LAMTOR4: variants seen among roughly 807,000 people sequenced by gnomAD.
LAMTOR4 encodes ragulator complex protein LAMTOR4.
Under a neutral mutation model 13.5 loss-of-function variants are expected in LAMTOR4, and 11 were observed. The observed-to-expected ratio is 0.82, with a 90% CI of 0.51 to 1.35. The LOEUF (loss-of-function observed/expected upper bound fraction) is 1.35. Among genes scored for constraint, LAMTOR4 ranks in the 40% most tolerant of loss-of-function variants. The probability of loss-of-function intolerance (pLI) is 0.00; values close to 1 mark genes in which losing one functional copy is unlikely to be tolerated. For missense variants in LAMTOR4, 128 were observed against 126.2 expected (o/e 1.01, Z -0.07); for synonymous variants, 69 against 52.3 (o/e 1.32, Z -1.38).
At chr7:100,150,986 C>G (rs1798680507) in intron 2 of LAMTOR4, among the ~76,000 whole-genome samples, 1 of 145,728 alleles carries the variant, frequency 6.9e-6, no homozygotes, top group Non-Finnish European at 1.5e-5. Flanking sequence ...AAGACTCCGT[C>G]TCAAAAAAAA....
rs1562947867 is a variant in LAMTOR4, at chr7:100,148,922, A to C, written c.-51A>C. On this transcript the variant is annotated 5_prime_UTR_variant, in exon 1 of 4. Coordinates refer to ENST00000341942, the MANE Select transcript of LAMTOR4 (RefSeq NM_001008395.4). ...CTGCAAGCACGTGACCGGGGCCTGAAGCCGGAAGCTACCTATCTGGTAGGG... is the reference window on the plus strand; with the variant it reads ...CTGCAAGCACGTGACCGGGGCCTGACGCCGGAAGCTACCTATCTGGTAGGG... The C allele has an allele frequency of 1.2e-6, 2 of 1,611,216 alleles. No individual in the cohort carries two copies. The highest frequency in any genetic ancestry group is 1.7e-6 in the Non-Finnish European group (2 of 1,179,648).
intron 2 of LAMTOR4, among the ~76,000 whole-genome samples, chr7:100,150,294 A>G (rs920665162): frequency 6.6e-6 from 1 of 152,254 alleles, no homozygotes; most frequent in African/African-American, 2.4e-5. Context: ...GTTGAAAACA[A>G]TACAGGTGGT....
chr7:100,149,358 A>T, intron 1 of LAMTOR4, 141 bp from the exon 2 acceptor site: 2 of 617,546 alleles, frequency 3.2e-6, no homozygotes, highest in Non-Finnish European at 5.9e-6. Context: ...TGTAGGGGGG[A>T]GGGGGCCGGG....
At position 100,148,964 on chromosome 7, in the gene LAMTOR4, A is replaced by G. The variant is rs537497686; in HGVS notation, c.-9A>G. On this transcript the variant is annotated 5_prime_UTR_variant, in exon 1 of 4. Coordinates refer to ENST00000341942, the MANE Select transcript of LAMTOR4 (RefSeq NM_001008395.4). Reference sequence around the variant, plus strand: ...CTGGTAGGGAGCTCCCCCAGCACCGAAGACTGCGATGGTGAGTGAGGACGC... The same window carrying G: ...CTGGTAGGGAGCTCCCCCAGCACCGGAGACTGCGATGGTGAGTGAGGACGC... 1.9e-6 allele frequency: 3 copies of G among 1,612,224 alleles called. No homozygotes were observed. The highest frequency in any genetic ancestry group is 2.2e-5 in the East Asian group (1 of 44,874).
intron 1 of LAMTOR4, 194 bp from the exon 2 acceptor site, chr7:100,149,305 G>A (rs1798626497): frequency 3.2e-6 from 2 of 632,676 alleles, no homozygotes; most frequent in African/African-American, 3.6e-5. Context: ...GGGGGCGAGA[G>A]TGGGGGCAGA....
intron 2 of LAMTOR4, among the ~76,000 whole-genome samples, chr7:100,152,960 C>G (rs1280115623): frequency 6.6e-6 from 1 of 151,912 alleles, no homozygotes; most frequent in African/African-American, 2.4e-5. Context: ...TTGAGACCAG[C>G]TGATTAATAT....
At chr7:100,150,171 G>A (rs1798657705) in intron 2 of LAMTOR4, among the ~76,000 whole-genome samples, 1 of 152,132 alleles carries the variant, frequency 6.6e-6, no homozygotes, top group South Asian at 2.1e-4. Flanking sequence ...CACCACGTCT[G>A]GCCTTTATTT....
chr7:100,152,841 T>C (rs1408692153), intron 2 of LAMTOR4: 1 of 152,970 alleles, frequency 6.5e-6, no homozygotes, highest in South Asian at 2.0e-4. Context: ...TTTTATGGGG[T>C]TAGAAAAGCA....
intron 2 of LAMTOR4, 96 bp from the exon 3 acceptor site, chr7:100,153,304 G>A: frequency 1.2e-6 from 1 of 833,746 alleles, no homozygotes; most frequent in Non-Finnish European, 2.0e-6. Context: ...AAGGGGGAGA[G>A]GGTCTAAGTG....
At chr7:100,149,448 G>GC (rs774673490) in intron 1 of LAMTOR4, 51 bp from the exon 2 acceptor site, 2 of 1,255,772 alleles carry the variant, frequency 1.6e-6, no homozygotes, top group Non-Finnish European at 2.3e-6. Flanking sequence ...AGGGTATCGG[G>GC]CCGTCCATCC....
Position 100,153,869 on chromosome 7 carries a change from G to A in LAMTOR4, c.205G>A (p.Val69Ile). ...GGGAAGGTGTGTCTCTCCTCCAGTG[G>A]TCTTTGGAGAACACACACTGCTGGT... ...MNVPFKRLSVVFGEHTLLVTV... is the reference protein window; with the variant it reads ...MNVPFKRLSVIFGEHTLLVTV... Residue 69 changes from valine to isoleucine, a missense_variant and splice_region_variant, in exon 4 of 4, where the codon GTC becomes ATC. By Grantham distance (29) the Val-to-Ile change is conservative. Coordinates refer to ENST00000341942, the MANE Select transcript of LAMTOR4 (RefSeq NM_001008395.4). The A allele has an allele frequency of 6.4e-7, 1 of 1,572,192 alleles. No homozygotes were observed. The highest frequency in any genetic ancestry group is 1.3e-5 in the African/African-American group (1 of 74,624).
Position 100,148,955 on chromosome 7 carries a change from C to T in LAMTOR4, c.-18C>T, listed in dbSNP as rs375562771. 1 of 1,612,260 alleles carries T rather than the reference C, an allele frequency of 6.2e-7. No individual in the cohort carries two copies. ...GCTACCTATCTGGTAGGGAGCTCCCCCAGCACCGAAGACTGCGATGGTGAG... is the reference window on the plus strand; with the variant it reads ...GCTACCTATCTGGTAGGGAGCTCCCTCAGCACCGAAGACTGCGATGGTGAG... On this transcript the variant is annotated 5_prime_UTR_variant, in exon 1 of 4. Coordinates refer to ENST00000341942, the MANE Select transcript of LAMTOR4 (RefSeq NM_001008395.4).
intron 2 of LAMTOR4, among the ~76,000 whole-genome samples, chr7:100,152,514 A>C (rs528789996): frequency 6.6e-6 from 1 of 152,332 alleles, no homozygotes; most frequent in East Asian, 1.9e-4. Context: ...TTGATATAAA[A>C]TAGCAGTTAA....
chr7:100,152,034 A>G (rs920133288), intron 2 of LAMTOR4, among the ~76,000 whole-genome samples: 6 of 152,176 alleles, frequency 3.9e-5, no homozygotes, highest in Admixed American at 6.6e-5. Context: ...AGGAATCAGT[A>G]TATCTTGCTA....
chr7:100,149,988 G>C (rs1359756276), intron 2 of LAMTOR4: 1 of 162,996 alleles, frequency 6.1e-6, no homozygotes, highest in Non-Finnish European at 1.4e-5. Flanking sequence ...TGTTAGCCAG[G>C]CTGGTCTCAA....
intron 2 of LAMTOR4, among the ~76,000 whole-genome samples, chr7:100,151,680 A>T (rs1584611272): frequency 6.9e-6 from 1 of 145,000 alleles, no homozygotes; most frequent in East Asian, 2.0e-4. Flanking sequence ...GAGCCACAGC[A>T]CCCCGTCCTG....
chr7:100,150,798 A>G (rs2116942858), intron 2 of LAMTOR4, among the ~76,000 whole-genome samples: 1 of 152,092 alleles, frequency 6.6e-6, no homozygotes, highest in East Asian at 2.0e-4. Context: ...ATCCTGGCCA[A>G]CACGGTGAAA....
chr7:100,153,483 C>T lies in LAMTOR4; in HGVS notation c.168C>T (p.His56=). Residue 56 remains histidine (H), a synonymous_variant, in exon 3 of 4, where the codon CAC becomes CAT. Transcript: ENST00000341942. ...LVSTACGFRL[H]RGMNVPFKRL... ...GCACAGCCTGCGGTTTCCGGCTGCACCGCGGCATGAATGTGCCCTTCAAGC... is the reference window on the plus strand; with the variant it reads ...GCACAGCCTGCGGTTTCCGGCTGCATCGCGGCATGAATGTGCCCTTCAAGC... 1 of 1,609,212 alleles carries T rather than the reference C, an allele frequency of 6.2e-7. No homozygotes were observed. The highest frequency in any genetic ancestry group is 8.5e-7 in the Non-Finnish European group (1 of 1,179,992).
rs115937614 is a variant in LAMTOR4 at position 100,153,786 on chromosome 7, G to A, written c.203-81G>A. 1.0e-3 allele frequency: 1,023 copies of A among 999,710 alleles called. 7 individuals carry two copies. The African/African-American group carries it at 0.014, about 14-fold the overall frequency. 61.9% of individuals were successfully genotyped at this position (999,710 alleles called of 1,614,324 possible). ...TCCCAGCCAATGTGCGTGTGGCCCC[G>A]CCCCATGGAGTCTGTTGCACCCACT... is the stretch of plus-strand genomic sequence containing the variant. On this transcript the variant is annotated intron_variant, in intron 3 of 3. Coordinates refer to ENST00000341942, the MANE Select transcript of LAMTOR4 (RefSeq NM_001008395.4).
Sources: gnomAD v4.1 joint callset for allele counts (sites outside exome capture counted in the v4.1 genomes callset) on GRCh38, gnomAD v4.1.1 for gene constraint, MANE v1.5 for transcripts, NCBI Gene and HGNC (gene_info 2026-07-23, HGNC 2026-07-21) for gene names.